The following ZNF536 variants were observed in gnomAD, a reference collection of about 807,000 sequenced individuals.
The protein encoded by ZNF536 is zinc finger protein 536.
Under a neutral mutation model 84.5 loss-of-function variants are expected in ZNF536, and 13 were observed. The ratio of observed to expected loss-of-function variants is 0.15; its 90% CI spans 0.10 to 0.24. The LOEUF (loss-of-function observed/expected upper bound fraction) is 0.24, where lower values mean the gene tolerates loss of function less well. Ranked by LOEUF, ZNF536 falls within the 10% of genes least tolerant of loss-of-function variation. The pLI is 1.00. For missense variants in ZNF536, 1,536 were observed against 1,747.5 expected (o/e 0.88, Z 2.16); for synonymous variants, 811 against 742.5 (o/e 1.09, Z -1.50).
downstream of ZNF536, among the ~76,000 whole-genome samples, chr19:30,560,539 T>C (rs1242991599): frequency 6.6e-6 from 1 of 152,176 alleles, no homozygotes. Flanking sequence ...GCCTGAGACC[T>C]GGACCCTTCC....
chr19:30,324,450 A>G (rs1440998576), intron 2 of ZNF536, among the ~76,000 whole-genome samples: 1 of 152,174 alleles, frequency 6.6e-6, no homozygotes, highest in Non-Finnish European at 1.5e-5. Context: ...TGGCACTATC[A>G]TGGCTCTCTG....
chr19:30,451,811 C>T (rs752825823), intron 2 of ZNF536, among the ~76,000 whole-genome samples: 3 of 152,232 alleles, frequency 2.0e-5, no homozygotes, highest in Admixed American at 1.3e-4. Context: ...TTCTGAGGAG[C>T]TCCATGAAGC....
At chr19:30,402,782 T>A (rs1193917549) in intron 1 of ZNF536, among the ~76,000 whole-genome samples, 1 of 129,392 alleles carries the variant, frequency 7.7e-6, no homozygotes, top group Non-Finnish European at 1.6e-5. Context: ...TTTAAACATT[T>A]TTTAAAATTA....
At chr19:30,480,056 C>T (rs903827821) in intron 2 of ZNF536, among the ~76,000 whole-genome samples, 1 of 152,194 alleles carries the variant, frequency 6.6e-6, no homozygotes, top group Non-Finnish European at 1.5e-5. Flanking sequence ...GTCTCAGGAT[C>T]GATTGTCCAT....
At chr19:30,568,128 C>T (rs1206787203) in intron 1 of ZNF536, among the ~76,000 whole-genome samples, 2 of 152,104 alleles carry the variant, frequency 1.3e-5, no homozygotes, top group Non-Finnish European at 2.9e-5. Flanking sequence ...CTTTTAGAAA[C>T]GTCAAGCTGG....
intron 1 of ZNF536, among the ~76,000 whole-genome samples, chr19:30,597,391 C>T (rs902068994): frequency 7.9e-5 from 12 of 152,244 alleles, no homozygotes; most frequent in South Asian, 2.1e-4. Flanking sequence ...CTAGAAAACA[C>T]GGCCAATAGC....
chr19:30,405,964 G>A (rs919719230), intron 1 of ZNF536, among the ~76,000 whole-genome samples: 1 of 152,104 alleles, frequency 6.6e-6, no homozygotes, highest in African/African-American at 2.4e-5. Flanking sequence ...TTTTCGTAGA[G>A]ACGGGATTTA....
At chr19:30,511,869 T>G (rs1320987034) in intron 2 of ZNF536, among the ~76,000 whole-genome samples, 2 of 152,106 alleles carry the variant, frequency 1.3e-5, no homozygotes, top group Non-Finnish European at 2.9e-5. Flanking sequence ...AAACAAAGCT[T>G]TTAGAGGGTT....
chr19:30,509,940 C>T (rs747405926), intron 2 of ZNF536, among the ~76,000 whole-genome samples: 2 of 152,138 alleles, frequency 1.3e-5, no homozygotes, highest in African/African-American at 2.4e-5. Flanking sequence ...TGGCAGGAGC[C>T]GAGATCTTGT....
chr19:30,364,599 T>G (rs1215256035), intron 3 of ZNF536, among the ~76,000 whole-genome samples: 1 of 152,186 alleles, frequency 6.6e-6, no homozygotes, highest in Admixed American at 6.5e-5. Flanking sequence ...AGGCTTATAG[T>G]GACTGCAGGA....
At chr19:30,466,376 TGC>T (rs2053392516) in intron 2 of ZNF536, among the ~76,000 whole-genome samples, 1 of 126,816 alleles carries the variant, frequency 7.9e-6, no homozygotes, top group South Asian at 2.6e-4. Context: ...ACTCCATTGC[TGC>T]AAAAAAAAAA....
chr19:30,466,378 C>CA (rs71173905), intron 2 of ZNF536, among the ~76,000 whole-genome samples: 1,471 of 136,036 alleles, frequency 0.011, 12 homozygotes, highest in African/African-American at 0.023. Flanking sequence ...TCCATTGCTG[C>CA]AAAAAAAAAA....
intron 1 of ZNF536, among the ~76,000 whole-genome samples, chr19:30,581,664 G>A (rs981026428): frequency 6.6e-6 from 1 of 151,994 alleles, no homozygotes; most frequent in Non-Finnish European, 1.5e-5. Context: ...GTGGGCCAGC[G>A]CAATGGCTCA....
intron 1 of ZNF536, among the ~76,000 whole-genome samples, chr19:30,419,354 G>A (rs1273691013): frequency 5.3e-5 from 8 of 152,244 alleles, no homozygotes; most frequent in Non-Finnish European, 1.0e-4. Flanking sequence ...AGCATTCTAG[G>A]TTTGTTCTAG....
intron 1 of ZNF536, among the ~76,000 whole-genome samples, chr19:30,690,509 T>C (rs1269905362): frequency 6.6e-6 from 1 of 152,204 alleles, no homozygotes; most frequent in African/African-American, 2.4e-5. Context: ...ATGATTCTAT[T>C]TGCAAAGTAG....
chr19:30,534,574 C>G (rs553450326), intron 2 of ZNF536, among the ~76,000 whole-genome samples: 23 of 152,280 alleles, frequency 1.5e-4, no homozygotes, highest in African/African-American at 5.5e-4. Context: ...AAGAAGAAAT[C>G]AAACCAGCTG....
chr19:30,700,946 C>T (rs953963998), intron 1 of ZNF536, among the ~76,000 whole-genome samples: 1 of 152,152 alleles, frequency 6.6e-6, no homozygotes, highest in Non-Finnish European at 1.5e-5. Flanking sequence ...TGGGCAGTGG[C>T]TGTTCTCAAG....
At chr19:30,549,607 C>A (rs2146263944) in intron 4 of ZNF536, 93 bp downstream of exon 4, 1 of 1,353,150 alleles carries the variant, frequency 7.4e-7, no homozygotes, top group Non-Finnish European at 9.7e-7. Context: ...TATCCATGAG[C>A]AACTTTTGAA....
intron 1 of ZNF536, among the ~76,000 whole-genome samples, chr19:30,617,333 CTTTTTTTTTTT>C (rs556835599): frequency 0.012 from 457 of 37,686 alleles, 5 homozygotes; most frequent in African/African-American, 0.027. Context: ...GAATAGCTTA[CTTTTTTTTTTT>C]TTTTTTTTTT....
Sources: allele counts gnomAD v4.1 joint callset (sites outside exome capture counted in the v4.1 genomes callset), GRCh38; gene constraint gnomAD v4.1.1; transcripts MANE v1.5; gene names NCBI Gene and HGNC (gene_info 2026-07-23, HGNC 2026-07-21).